Variants in ADARB2 observed in about 807,000 individuals in gnomAD.
ADARB2 encodes the protein adenosine deaminase RNA specific B2 (inactive).
ADARB2 carries 25 observed loss-of-function variants against 62.2 expected under a neutral mutation model. The ratio of observed to expected loss-of-function variants is 0.40; its 90% CI spans 0.29 to 0.56. ADARB2 has a LOEUF of 0.56. ADARB2 is among the 20% of genes least tolerant of loss of function. The pLI is 0.43. For missense variants in ADARB2, 1,071 were observed against 1,077.4 expected (o/e 0.99, Z 0.08); for synonymous variants, 572 against 500.8 (o/e 1.14, Z -1.90).
At chr10:1,736,484 T>C (rs1194324873) in intron 1 of ADARB2, among the ~76,000 whole-genome samples, 1 of 152,230 alleles carries the variant, frequency 6.6e-6, no homozygotes, top group East Asian at 1.9e-4. Context: ...CCTGTATTCA[T>C]TTCTGCTTAT....
chr10:1,523,678 T>C (rs1433939192), intron 1 of ADARB2, among the ~76,000 whole-genome samples: 3 of 149,258 alleles, frequency 2.0e-5, no homozygotes, highest in Non-Finnish European at 4.5e-5. Flanking sequence ...AAACAAGCAA[T>C]GATTTAGAGT....
At chr10:1,399,877 C>A (rs917779622) in intron 1 of ADARB2, among the ~76,000 whole-genome samples, 2 of 150,374 alleles carry the variant, frequency 1.3e-5, no homozygotes, top group African/African-American at 4.8e-5. Context: ...GAGGGACACA[C>A]AGGAGGCCCT....
chr10:1,523,947 C>G (rs1832106879), intron 1 of ADARB2, among the ~76,000 whole-genome samples: 1 of 150,930 alleles, frequency 6.6e-6, no homozygotes, highest in African/African-American at 2.4e-5. Context: ...ACCCATGCAT[C>G]CATCCATCCA....
chr10:1,636,824 ATAT>A (rs1162539793), intron 1 of ADARB2, among the ~76,000 whole-genome samples: 1 of 148,468 alleles, frequency 6.7e-6, no homozygotes, highest in Non-Finnish European at 1.5e-5. Context: ...TATATGTCAT[ATAT>A]TATATAACAT....
chr10:1,276,677 G>C (rs900849288), intron 3 of ADARB2, among the ~76,000 whole-genome samples: 44 of 152,210 alleles, frequency 2.9e-4, no homozygotes, highest in African/African-American at 9.9e-4. Context: ...ACACCCCACT[G>C]TCAACATTAG....
Position 1,724,445 on chromosome 10 carries a change from G to A in ADARB2, c.100+12606C>T, listed in dbSNP as rs369172416. Among the ~76,000 whole-genome samples the A allele has an allele frequency of 3.7e-4, 56 of 152,290 alleles. 1 individual carries two copies. The highest frequency in any genetic ancestry group is 1.3e-3 in the African/African-American group (55 of 41,564). ...TGCCTGGTTTATCTTCGTTCCCAAG[G>A]GACAGATGCACCAAGCCCCCAAAAG... On this transcript the variant is annotated intron_variant, in intron 1 of 9. Coordinates refer to ENST00000381312, the MANE Select transcript of ADARB2 (RefSeq NM_018702.4).
chr10:1,216,223 G>C (rs1564223662), intron 7 of ADARB2: 1 of 150,006 alleles, frequency 6.7e-6, no homozygotes, highest in Non-Finnish European at 1.5e-5. Flanking sequence ...AGGTCAAGGA[G>C]GTCTCGGGGC....
At chr10:1,645,176 A>G (rs1311709161) in intron 1 of ADARB2, among the ~76,000 whole-genome samples, 1 of 152,248 alleles carries the variant, frequency 6.6e-6, no homozygotes, top group Non-Finnish European at 1.5e-5. Context: ...CAAGGTTCTG[A>G]GCACTTAAGA....
intron 3 of ADARB2, among the ~76,000 whole-genome samples, chr10:1,294,532 G>A (rs75423379): frequency 5.9e-5 from 9 of 152,098 alleles, no homozygotes; most frequent in Non-Finnish European, 1.0e-4. Context: ...AGCCCCTCGC[G>A]TTGTTTGACT....
At chr10:1,636,745 T>C (rs1329718818) in intron 1 of ADARB2, among the ~76,000 whole-genome samples, 1 of 149,482 alleles carries the variant, frequency 6.7e-6, no homozygotes, top group African/African-American at 2.4e-5. Flanking sequence ...ATATGATGTA[T>C]AATATACATC....
At chr10:1,723,600 T>C (rs1395220838) in intron 1 of ADARB2, among the ~76,000 whole-genome samples, 1 of 152,120 alleles carries the variant, frequency 6.6e-6, no homozygotes, top group Non-Finnish European at 1.5e-5. Context: ...AAAAGAACTG[T>C]CAGCGAGAAG....
chr10:1,190,190 C>T (rs948274882), intron 8 of ADARB2, among the ~76,000 whole-genome samples: 2 of 151,462 alleles, frequency 1.3e-5, no homozygotes, highest in Non-Finnish European at 2.9e-5. Flanking sequence ...AGGAGAAACG[C>T]GTCCTCCCAA....
At chr10:1,187,634 C>T (rs964191142) in intron 8 of ADARB2, among the ~76,000 whole-genome samples, 29 of 152,244 alleles carry the variant, frequency 1.9e-4, no homozygotes, top group African/African-American at 6.8e-4. Context: ...GGCCAGCTGC[C>T]GTCTGACGGG....
intron 3 of ADARB2, among the ~76,000 whole-genome samples, chr10:1,328,061 G>A (rs1453284191): frequency 1.1e-4 from 10 of 90,230 alleles, no homozygotes; most frequent in Non-Finnish European, 2.3e-4. Flanking sequence ...AATGACATGC[G>A]AGGAAGCCTT....
chr10:1,537,584 T>G, intron 1 of ADARB2, among the ~76,000 whole-genome samples: 1 of 150,692 alleles, frequency 6.6e-6, no homozygotes, highest in African/African-American at 2.4e-5. Flanking sequence ...AATGATAGAC[T>G]GAACAAAGAA....
At chr10:1,576,096 C>CT (rs1564335559) in intron 1 of ADARB2, among the ~76,000 whole-genome samples, 1 of 57,150 alleles carries the variant, frequency 1.7e-5, no homozygotes, top group African/African-American at 7.0e-5. Context: ...CTCAGGGCCA[C>CT]GGGAGGGGGC....
chr10:1,523,727 T>G (rs1347770473), intron 1 of ADARB2, among the ~76,000 whole-genome samples: 2 of 152,240 alleles, frequency 1.3e-5, no homozygotes, highest in Non-Finnish European at 2.9e-5. Flanking sequence ...CCTTGAGGCT[T>G]AATTCTCTCT....
rs3750677 is a variant in ADARB2, at chr10:1,217,136, C to T, written c.1514-17G>A. On this transcript the variant is annotated splice_polypyrimidine_tract_variant and intron_variant, in intron 6 of 9. Transcript: ENST00000381312. ...TGCTGTGCACTAGGAGATAAAAGGG[C>T]GGGGAGGGGTGAGAAGAGGGAAGCC... is the stretch of plus-strand genomic sequence containing the variant. The T allele has an allele frequency of 0.36, 564,943 of 1,553,104 alleles. 104,961 individuals carry two copies. Among genetic ancestry groups the T allele is most frequent in the East Asian group, 0.46 (19,321 of 41,558 alleles).
intron 1 of ADARB2, among the ~76,000 whole-genome samples, chr10:1,716,655 T>C (rs1309703524): frequency 1.3e-5 from 2 of 152,144 alleles, no homozygotes; most frequent in Non-Finnish European, 2.9e-5. Flanking sequence ...ACCTGATACA[T>C]TTATATAAAG....
Sources: gnomAD v4.1 joint callset for allele counts (sites outside exome capture counted in the v4.1 genomes callset) on GRCh38, gnomAD v4.1.1 for gene constraint, MANE v1.5 for transcripts, NCBI Gene and HGNC (gene_info 2026-07-23, HGNC 2026-07-21) for gene names.